Variants in SFMBT2 observed in about 807,000 individuals in gnomAD.
SFMBT2 encodes scm-like with four MBT domains protein 2.
In SFMBT2, 38 loss-of-function variants were observed where a neutral mutation model predicts 110.1. That is an observed-to-expected ratio of 0.35 (90% CI 0.27 to 0.45). SFMBT2 has a LOEUF of 0.45. Among genes scored for constraint, SFMBT2 ranks in the 20% least tolerant of loss-of-function variants. The pLI is 1.00. For missense variants in SFMBT2, 1,011 were observed against 1,094.9 expected (o/e 0.92, Z 1.08); for synonymous variants, 425 against 425.4 (o/e 1.00, Z 0.01).
At chr10:7,277,998 A>G (rs1488463926) in intron 6 of SFMBT2, among the ~76,000 whole-genome samples, 1 of 152,090 alleles carries the variant, frequency 6.6e-6, no homozygotes, top group Non-Finnish European at 1.5e-5. Flanking sequence ...TAATTACAGT[A>G]AGTATCAGAT....
At chr10:7,365,448 A>G (rs1196668851) in intron 4 of SFMBT2, among the ~76,000 whole-genome samples, 1 of 152,160 alleles carries the variant, frequency 6.6e-6, no homozygotes. Flanking sequence ...AGAATTCCTC[A>G]AGCACAGGCA....
In SFMBT2 at chr10:7,176,055, A is replaced by C. The variant is rs951886658; in HGVS notation, c.1919T>G (p.Phe640Cys). 4 of 1,614,218 alleles carry C rather than the reference A, an allele frequency of 2.5e-6. No homozygotes were observed. Among genetic ancestry groups the C allele is most frequent in the Non-Finnish European group, 2.5e-6 (3 of 1,180,046 alleles). ...CAKLECCPNL[F>C]SPVLISENCP... is the part of the protein sequence containing the mutation. ...GTTTTCAGATATCAGCACAGGACTA[A>C]ACAAATTTGGACAGCACTCTAGCTT... Residue 640 changes from phenylalanine (F) to cysteine (C), a missense_variant, in exon 17 of 21, where the codon TTT becomes TGT. Coordinates refer to ENST00000397167, the MANE Select transcript of SFMBT2 (RefSeq NM_001387889.1).
intron 2 of SFMBT2, among the ~76,000 whole-genome samples, chr10:7,371,304 T>C (rs151038477): frequency 7.2e-5 from 11 of 152,256 alleles, no homozygotes; most frequent in African/African-American, 2.4e-4. Context: ...TTGTATTTTT[T>C]AGTAGAGACA....
At chr10:7,278,195 T>C (rs1361303993) in intron 6 of SFMBT2, among the ~76,000 whole-genome samples, 2 of 152,084 alleles carry the variant, frequency 1.3e-5, no homozygotes, top group Non-Finnish European at 2.9e-5. Flanking sequence ...TTCTTAGTAG[T>C]AGCTAACGTA....
Position 7,363,924 on chromosome 10 carries a change from A to T in SFMBT2, c.436+3725T>A, listed in dbSNP as rs149361832. On this transcript the variant is annotated intron_variant, in intron 4 of 20. Coordinates refer to ENST00000397167, the MANE Select transcript of SFMBT2 (RefSeq NM_001387889.1). ...ACATCATACACCCTGGATCGCTGTAACTCCTGTTCATATTCTGCGGTGCCT... is the reference window on the plus strand; with the variant it reads ...ACATCATACACCCTGGATCGCTGTATCTCCTGTTCATATTCTGCGGTGCCT... Among the ~76,000 whole-genome samples, 246 of 152,090 alleles carry T rather than the reference A, an allele frequency of 1.6e-3. 3 individuals carry two copies. Among genetic ancestry groups the T allele is most frequent in the African/African-American group, 5.5e-3 (229 of 41,478 alleles).
intron 1 of SFMBT2, among the ~76,000 whole-genome samples, chr10:7,384,211 CAAAAAAA>C (rs59239303): frequency 5.4e-4 from 15 of 27,978 alleles, no homozygotes; most frequent in South Asian, 3.7e-3. Flanking sequence ...AACTCCATCT[CAAAAAAA>C]AAAAAAAAAA....
intron 4 of SFMBT2, among the ~76,000 whole-genome samples, chr10:7,294,729 C>T (rs2131866409): frequency 6.6e-6 from 1 of 152,210 alleles, no homozygotes; most frequent in East Asian, 1.9e-4. Flanking sequence ...GCAAACTGCT[C>T]TCCAAAGTCA....
chr10:7,256,114 G>A (rs1299586779), intron 7 of SFMBT2, among the ~76,000 whole-genome samples: 1 of 152,144 alleles, frequency 6.6e-6, no homozygotes, highest in Non-Finnish European at 1.5e-5. Context: ...AATCCCTCTT[G>A]TGGGAGGAAA....
chr10:7,386,796 T>C (rs1321542373), intron 1 of SFMBT2, among the ~76,000 whole-genome samples: 2 of 152,214 alleles, frequency 1.3e-5, no homozygotes, highest in African/African-American at 4.8e-5. Context: ...ACACTTACAG[T>C]GATTACTAAG....
rs551465054 is a variant in SFMBT2, at chr10:7,328,768, T to C, written c.436+38881A>G. Among the ~76,000 whole-genome samples, 26 of 152,356 alleles carry C rather than the reference T, an allele frequency of 1.7e-4. No homozygotes were observed. The South Asian group carries it at 5.2e-3, about 30-fold the overall frequency. ...CTTTCTGAGGTCATCCTTTCTTTTATGCTTAAAATGCAAAAGTCTCTCTGT... is the reference window on the plus strand; with the variant it reads ...CTTTCTGAGGTCATCCTTTCTTTTACGCTTAAAATGCAAAAGTCTCTCTGT... On this transcript the variant is annotated intron_variant, in intron 4 of 20. Transcript: ENST00000397167.
intron 9 of SFMBT2, among the ~76,000 whole-genome samples, chr10:7,235,465 T>C (rs1228508544): frequency 6.6e-6 from 1 of 151,978 alleles, no homozygotes; most frequent in Non-Finnish European, 1.5e-5. Flanking sequence ...GCCAGTCTAA[T>C]GATCCTGAAT....
chr10:7,277,938 T>C (rs1465912211), intron 6 of SFMBT2, among the ~76,000 whole-genome samples: 1 of 152,258 alleles, frequency 6.6e-6, no homozygotes, highest in African/African-American at 2.4e-5. Context: ...CTCATAGCTT[T>C]TGAACTCACC....
intron 11 of SFMBT2, among the ~76,000 whole-genome samples, chr10:7,213,248 A>T (rs908300046): frequency 0.013 from 8 of 620 alleles, no homozygotes; most frequent in African/African-American, 0.017. Context: ...AAGTAAAATA[A>T]AAAAAATTAA....
intron 1 of SFMBT2, among the ~76,000 whole-genome samples, chr10:7,398,172 T>G (rs1015712581): frequency 1.3e-5 from 2 of 152,246 alleles, no homozygotes; most frequent in Non-Finnish European, 2.9e-5. Context: ...TAATAGGCAC[T>G]CTAGGAGTAA....
chr10:7,389,921 G>A (rs765960656), intron 1 of SFMBT2, among the ~76,000 whole-genome samples: 4 of 152,116 alleles, frequency 2.6e-5, no homozygotes, highest in Non-Finnish European at 5.9e-5. Flanking sequence ...TTTCACTTGA[G>A]GTATAGTCAA....
chr10:7,355,419 A>C (rs1844472823), intron 4 of SFMBT2, among the ~76,000 whole-genome samples: 1 of 152,244 alleles, frequency 6.6e-6, no homozygotes, highest in South Asian at 2.1e-4. Flanking sequence ...CTCAGTTGCC[A>C]ATGTAAAAAG....
intron 2 of SFMBT2, chr10:7,370,808 T>C (rs1845041952): frequency 1.0e-6 from 1 of 981,240 alleles, no homozygotes; most frequent in Non-Finnish European, 1.2e-6. Context: ...CTAATTGTTA[T>C]AAAGATAAAG....
At chr10:7,211,867 C>T (rs749574856) in intron 11 of SFMBT2, among the ~76,000 whole-genome samples, 1 of 152,170 alleles carries the variant, frequency 6.6e-6, no homozygotes, top group Non-Finnish European at 1.5e-5. Context: ...GTGTTCTGCA[C>T]CTGGTCCCCT....
intron 5 of SFMBT2, 73 bp downstream of exon 5, chr10:7,285,793 G>A (rs1357174447): frequency 1.3e-6 from 1 of 799,860 alleles, no homozygotes; most frequent in Admixed American, 1.7e-5. Flanking sequence ...TATATGCAAA[G>A]GTGCTGTCAG....
Sources: gnomAD v4.1 joint callset for allele counts (sites outside exome capture counted in the v4.1 genomes callset) on GRCh38, gnomAD v4.1.1 for gene constraint, MANE v1.5 for transcripts, NCBI Gene and HGNC (gene_info 2026-07-23, HGNC 2026-07-21) for gene names.